The following DNAH12 variants were observed in gnomAD, a reference collection of about 807,000 sequenced individuals.
The protein encoded by DNAH12 is axonemal beta dynein heavy chain 12.
Under a neutral mutation model 371.5 loss-of-function variants are expected in DNAH12, and 285 were observed. The ratio of observed to expected loss-of-function variants is 0.77; its 90% CI spans 0.70 to 0.85. DNAH12 has a LOEUF of 0.85. Among genes scored for constraint, DNAH12 ranks in the 40% least tolerant of loss-of-function variants. DNAH12 has a pLI of 0.00. For synonymous variants in DNAH12, 1,200 were observed against 1,213.0 expected (o/e 0.99, Z 0.22); for missense variants, 3,611 against 3,689.4 (o/e 0.98, Z 0.55).
At chr3:57,389,411 G>T (rs1180817015) in intron 45 of DNAH12, among the ~76,000 whole-genome samples, 3 of 152,108 alleles carry the variant, frequency 2.0e-5, no homozygotes, top group Admixed American at 2.0e-4. Context: ...TTCTTATAGA[G>T]TAATACCCAG....
At chr3:57,371,392 A>G (rs2063166374) in intron 55 of DNAH12, among the ~76,000 whole-genome samples, 1 of 152,198 alleles carries the variant, frequency 6.6e-6, no homozygotes, top group Non-Finnish European at 1.5e-5. Context: ...TTAGGCTATT[A>G]ATGGTAAATT....
intron 35 of DNAH12, among the ~76,000 whole-genome samples, chr3:57,422,490 G>C (rs62250568): frequency 6.6e-6 from 1 of 151,828 alleles, no homozygotes; most frequent in African/African-American, 2.4e-5. Context: ...CACCGCGCCC[G>C]GCCTCTAACA....
chr3:57,354,354 G>C (rs2062747720), intron 59 of DNAH12, among the ~76,000 whole-genome samples: 1 of 152,108 alleles, frequency 6.6e-6, no homozygotes, highest in Non-Finnish European at 1.5e-5. Flanking sequence ...AAGGTGGAGA[G>C]TAGGAGGACG....
rs529957485 is a variant in DNAH12 at position 57,331,815 on chromosome 3, G to T, written c.9978+2650C>A. ...CCTTGTCTTCAAGAGCCCAGTTGTA[G>T]CAAGAACCCTGCTAGCCAGTTTAGT... On this transcript the variant is annotated intron_variant, in intron 62 of 73. Coordinates refer to ENST00000495027, the MANE Select transcript of DNAH12 (RefSeq NM_001366028.2). Among the ~76,000 whole-genome samples the T allele has an allele frequency of 1.2e-4, 19 of 152,160 alleles. No homozygotes were observed. The South Asian group carries it at 3.7e-3, about 30-fold the overall frequency.
chr3:57,470,366 C>A (rs1465083441), intron 16 of DNAH12, 77 bp downstream of exon 16: 6 of 1,227,104 alleles, frequency 4.9e-6, no homozygotes, highest in African/African-American at 1.5e-5. Context: ...AACACTTAAC[C>A]AAAAAAAAAA....
intron 52 of DNAH12, among the ~76,000 whole-genome samples, chr3:57,377,921 G>C (rs1024764193): frequency 4.6e-5 from 7 of 152,112 alleles, no homozygotes; most frequent in Admixed American, 4.6e-4. Context: ...GTGCCTGTTA[G>C]AAAGAAGATA....
At chr3:57,504,301 T>C (rs1024097492) in intron 8 of DNAH12, 97 bp from the exon 9 acceptor site, 9 of 1,087,704 alleles carry the variant, frequency 8.3e-6, no homozygotes, top group Admixed American at 2.8e-5. Flanking sequence ...TGATTATAAT[T>C]GTCTATAATT....
intron 58 of DNAH12, 138 bp from the exon 59 acceptor site, chr3:57,357,486 A>C (rs912411097): frequency 3.9e-5 from 6 of 152,174 alleles, no homozygotes; most frequent in Non-Finnish European, 7.3e-5. Flanking sequence ...TTTACAAGAG[A>C]GGGCTTTATC....
Position 57,491,682 on chromosome 3 carries a change from C to A in DNAH12, c.1336-1995G>T, listed in dbSNP as rs965446516. Among the ~76,000 whole-genome samples, 7 of 151,944 alleles carry A rather than the reference C, an allele frequency of 4.6e-5. 1 individual carries two copies. Among genetic ancestry groups the A allele is most frequent in the African/African-American group, 1.7e-4 (7 of 41,336 alleles). ...GGCATGATGGCTCATGCCTGTAAAC[C>A]CCCAGCACTTTGGGAGACTGAGACA... On this transcript the variant is annotated intron_variant, in intron 11 of 73. Transcript: ENST00000495027.
intron 60 of DNAH12, among the ~76,000 whole-genome samples, chr3:57,340,816 A>G (rs1448352342): frequency 6.6e-6 from 1 of 152,224 alleles, no homozygotes; most frequent in Non-Finnish European, 1.5e-5. Context: ...CAAGGCCAGC[A>G]TAACCCTGAC....
At chr3:57,548,009 A>C (rs563122114), upstream of DNAH12, among the ~76,000 whole-genome samples, 24 of 152,358 alleles carry the variant, frequency 1.6e-4, no homozygotes, top group Middle Eastern at 3.4e-3. Context: ...CATTAGAATA[A>C]AGCAATTTAC....
At chr3:57,419,886 G>C (rs1035185820) in intron 36 of DNAH12, among the ~76,000 whole-genome samples, 6 of 151,938 alleles carry the variant, frequency 3.9e-5, no homozygotes, top group Non-Finnish European at 8.8e-5. Context: ...ATGTCCTTTT[G>C]CATACATTGA....
chr3:57,311,521 C>T (rs1189557178), intron 66 of DNAH12, among the ~76,000 whole-genome samples: 1 of 152,122 alleles, frequency 6.6e-6, no homozygotes, highest in African/African-American at 2.4e-5. Context: ...GTGGATAAAC[C>T]TTGTTTTATG....
At chr3:57,492,149 C>A (rs1247356194) in intron 11 of DNAH12, among the ~76,000 whole-genome samples, 2 of 151,940 alleles carry the variant, frequency 1.3e-5, no homozygotes, top group Non-Finnish European at 2.9e-5. Flanking sequence ...ACAACAGAGA[C>A]CCTGTCTCTA....
chr3:57,476,291 C>T (rs1024488726), intron 13 of DNAH12, among the ~76,000 whole-genome samples: 12 of 152,216 alleles, frequency 7.9e-5, no homozygotes, highest in South Asian at 4.2e-4. Flanking sequence ...ATAGGCCAGG[C>T]GCAGTGGCTC....
At chr3:57,480,551 A>C (rs376508760) in intron 13 of DNAH12, among the ~76,000 whole-genome samples, 1 of 151,270 alleles carries the variant, frequency 6.6e-6, no homozygotes, top group East Asian at 1.9e-4. Context: ...AAAAGAGGGA[A>C]TCCTCCCTAA....
chr3:57,369,660 A>G (rs1256752064), intron 55 of DNAH12, among the ~76,000 whole-genome samples: 2 of 152,190 alleles, frequency 1.3e-5, no homozygotes, highest in Non-Finnish European at 2.9e-5. Flanking sequence ...AAAGCAAACA[A>G]TAAAGTTATT....
rs1285573447 is a variant in DNAH12, at chr3:57,293,840, G to T, written c.11824C>A (p.Gln3942Lys). ...CGCTTGATCCAGTGCCGAGTAGGTT[G>T]GTCTGTTTTTAACAACATTGCAATG... ...FVIAMLLKTD[Q>K]PTRHWIKRGV... Residue 3942 changes from glutamine to lysine, a missense_variant, in exon 74 of 74, where the codon CAA becomes AAA. Physicochemically the swap from Gln to Lys is moderately conservative, Grantham distance 53. Transcript: ENST00000495027. 1 of 1,549,420 alleles carries T rather than the reference G, an allele frequency of 6.5e-7. No homozygotes were observed. The highest frequency in any genetic ancestry group is 2.4e-5 in the East Asian group (1 of 40,860).
intron 70 of DNAH12, among the ~76,000 whole-genome samples, chr3:57,297,696 C>T (rs2061261996): frequency 6.6e-6 from 1 of 152,126 alleles, no homozygotes; most frequent in Admixed American, 6.5e-5. Context: ...TCTCTGTGTC[C>T]ACTGCCCTCA....
Sources: allele counts gnomAD v4.1 joint callset (sites outside exome capture counted in the v4.1 genomes callset), GRCh38; gene constraint gnomAD v4.1.1; transcripts MANE v1.5; gene names NCBI Gene and HGNC (gene_info 2026-07-23, HGNC 2026-07-21).